ZNF723: variants seen among roughly 807,000 people sequenced by gnomAD.
ZNF723 encodes the protein zinc finger protein 723.
Under a neutral mutation model 9.4 loss-of-function variants are expected in ZNF723, and 5 were observed. The ratio of observed to expected loss-of-function variants is 0.53; its 90% CI spans 0.28 to 1.12. The LOEUF (loss-of-function observed/expected upper bound fraction) is 1.12. Ranked by LOEUF, ZNF723 falls within the 50% of genes most tolerant of loss-of-function variation. ZNF723 has a pLI of 0.10. For synonymous variants in ZNF723, 158 were observed against 168.8 expected (o/e 0.94, Z 0.49); for missense variants, 450 against 501.5 (o/e 0.90, Z 0.98).
chr19:22,857,294 C>A lies in ZNF723; in HGVS notation c.403C>A (p.Gln135Lys). Residue 135 changes from glutamine (Q) to lysine (K), a missense_variant, in exon 4 of 4, where the codon CAA (glutamine) becomes AAA (lysine). Coordinates refer to ENST00000600766, the MANE Select transcript of ZNF723 (RefSeq NM_001349726.2). ...CAAAGGAGGTTATGATGAACTTAAG[C>A]AATGTTTGACAACTACCCCGAGCAA... Reference protein sequence around the residue: ...MHKGGYDELKQCLTTTPSKIF... With the variant: ...MHKGGYDELKKCLTTTPSKIF... 1.2e-6 allele frequency: 1 copy of A among 810,786 alleles called. No individual in the cohort carries two copies. The highest frequency in any genetic ancestry group is 1.4e-5 in the South Asian group (1 of 73,534). The allele number at this position is 810,786 out of a possible 1,614,324, so 50.2% of individuals were successfully genotyped here. A position where few individuals can be genotyped will look rare whatever the true frequency, so the allele number is the denominator to read the frequency against.
intron 3 of ZNF723, among the ~76,000 whole-genome samples, chr19:22,854,374 C>CT (rs1184667943): frequency 6.6e-6 from 1 of 151,924 alleles, no homozygotes; most frequent in South Asian, 2.1e-4. Flanking sequence ...CACTTTCTGT[C>CT]TTTTTTTATC....
chr19:22,820,978 C>T, the ZNF723 span, among the ~76,000 whole-genome samples: 1 of 152,188 alleles, frequency 6.6e-6, no homozygotes, highest in South Asian at 2.1e-4. Context: ...AATTGTGACT[C>T]TCATACATGG....
the ZNF723 span, among the ~76,000 whole-genome samples, chr19:22,815,178 C>T: frequency 3.3e-5 from 5 of 152,162 alleles, no homozygotes; most frequent in Admixed American, 3.3e-4. Context: ...TCCTGGGCCC[C>T]ACATATTTTA....
chr19:22,817,435 C>T, the ZNF723 span, among the ~76,000 whole-genome samples: 6 of 152,014 alleles, frequency 3.9e-5, no homozygotes, highest in East Asian at 1.9e-4. Flanking sequence ...TCTCCTCTTC[C>T]GCTTGCACTC....
chr19:22,845,877 G>T (rs1291298388), intron 1 of ZNF723, among the ~76,000 whole-genome samples: 7 of 133,456 alleles, frequency 5.2e-5, no homozygotes, highest in Non-Finnish European at 7.9e-5. Context: ...AGGAGATAGG[G>T]AAAAAATATG....
chr19:22,822,819 G>A, the ZNF723 span, among the ~76,000 whole-genome samples: 851 of 152,176 alleles, frequency 5.6e-3, 9 homozygotes, highest in African/African-American at 0.017. Flanking sequence ...CTGAGATCGC[G>A]CCACTGCACT....
At chr19:22,813,939 G>A in the ZNF723 span, among the ~76,000 whole-genome samples, 1 of 151,690 alleles carries the variant, frequency 6.6e-6, no homozygotes, top group Non-Finnish European at 1.5e-5. Flanking sequence ...AGCCACCCGA[G>A]TAGCTGGGAC....
chr19:22,813,186 C>T, the ZNF723 span, among the ~76,000 whole-genome samples: 1 of 152,084 alleles, frequency 6.6e-6, no homozygotes. Flanking sequence ...GTTGGCCAGA[C>T]TGGTGGAGGT....
chr19:22,822,907 AT>A, the ZNF723 span, among the ~76,000 whole-genome samples: 2 of 152,156 alleles, frequency 1.3e-5, no homozygotes, highest in African/African-American at 4.8e-5. Context: ...CCTGCCAACA[AT>A]GAGGGCTGTC....
At chr19:22,815,883 C>T in the ZNF723 span, among the ~76,000 whole-genome samples, 1 of 152,196 alleles carries the variant, frequency 6.6e-6, no homozygotes, top group Non-Finnish European at 1.5e-5. Context: ...GACTGTCACC[C>T]TGACACAAGG....
In ZNF723 at chr19:22,857,809, T is replaced by G; in HGVS notation, c.918T>G (p.Ile306Met). The change falls in exon 4 of 4, where the codon ATT (isoleucine) becomes ATG (methionine). Residue 306 changes from isoleucine (I) to methionine (M), a missense_variant. By Grantham distance (10) the Ile-to-Met change is conservative. Transcript: ENST00000600766. ...CAAGCCTTAATAATCATAAGAGAAT[T>G]CATACTGGAGAGAAACCCTACAAAT... is the stretch of plus-strand genomic sequence containing the variant. ...VFSSLNNHKR[I>M]HTGEKPYKCE... 7.2e-7 allele frequency: 1 copy of G among 1,382,524 alleles called. No homozygotes were observed. The highest frequency in any genetic ancestry group is 1.0e-6 in the Non-Finnish European group (1 of 969,756). 85.6% of individuals were successfully genotyped at this position (1,382,524 alleles called of 1,614,324 possible).
chr19:22,827,536 C>G (rs2145197121), upstream of ZNF723, among the ~76,000 whole-genome samples: 1 of 152,182 alleles, frequency 6.6e-6, no homozygotes, highest in Middle Eastern at 3.4e-3. Flanking sequence ...CAACCTCCAC[C>G]TCCTGGGTTC....
At chr19:22,831,213 T>C (rs1156457365), upstream of ZNF723, among the ~76,000 whole-genome samples, 6 of 152,192 alleles carry the variant, frequency 3.9e-5, no homozygotes, top group Non-Finnish European at 5.9e-5. Flanking sequence ...GACAGTGTGC[T>C]AGTTTGGTGA....
chr19:22,824,088 A>G, the ZNF723 span, among the ~76,000 whole-genome samples: 1 of 152,206 alleles, frequency 6.6e-6, no homozygotes, highest in Non-Finnish European at 1.5e-5. Context: ...ACTATTGCTT[A>G]AACTAGCACA....
chr19:22,853,938 T>C (rs1967433477), intron 3 of ZNF723, among the ~76,000 whole-genome samples: 1 of 152,190 alleles, frequency 6.6e-6, no homozygotes, highest in African/African-American at 2.4e-5. Flanking sequence ...GAAGGGTGTG[T>C]ATCCTGATGT....
intron 1 of ZNF723, among the ~76,000 whole-genome samples, chr19:22,841,473 C>G (rs371837309): frequency 6.6e-6 from 1 of 152,252 alleles, no homozygotes; most frequent in African/African-American, 2.4e-5. Flanking sequence ...TCTGTTCTAT[C>G]ATTTTGGAGT....
chr19:22,833,893 AC>A, intron 1 of ZNF723, among the ~76,000 whole-genome samples: 1 of 142,132 alleles, frequency 7.0e-6, no homozygotes. Context: ...GGCGTGAGAC[AC>A]CGCGCCCGGC....
rs1230383 is a variant in ZNF723, at chr19:22,833,162, T to C, written c.3+780T>C. 8.6e-4 allele frequency among the ~76,000 whole-genome samples: 131 copies of C among 152,304 alleles called. No homozygotes were observed. The East Asian group carries it at 0.019, about 22-fold the overall frequency. ...TATCACTTAACTATTTTCTTTTTTT[T>C]CTTTTTTTGAGACGGAATTTCACTC... On this transcript the variant is annotated intron_variant, in intron 1 of 3. Transcript: ENST00000600766.
chr19:22,845,485 A>T (rs1239162231), intron 1 of ZNF723, among the ~76,000 whole-genome samples: 1 of 151,612 alleles, frequency 6.6e-6, no homozygotes, highest in African/African-American at 2.4e-5. Context: ...TTGAAGATAC[A>T]CTCATGAGAG....
Sources: gnomAD v4.1 joint callset for allele counts (sites outside exome capture counted in the v4.1 genomes callset) on GRCh38, gnomAD v4.1.1 for gene constraint, MANE v1.5 for transcripts, NCBI Gene and HGNC (gene_info 2026-07-23, HGNC 2026-07-21) for gene names.